The following MID2 variants were observed in gnomAD, a reference collection of about 807,000 sequenced individuals.
MID2 encodes the protein midline 2, also known as probable E3 ubiquitin-protein ligase MID2.
Under a neutral mutation model 46.1 loss-of-function variants are expected in MID2, and 13 were observed. That is an observed-to-expected ratio of 0.28 (90% CI 0.18 to 0.45). MID2 has a LOEUF of 0.45. Ranked by LOEUF, MID2 falls within the 20% of genes least tolerant of loss-of-function variation. The pLI, the probability that MID2 is intolerant of heterozygous loss-of-function variation, is 1.00. For missense variants in MID2, 431 were observed against 575.4 expected (o/e 0.75, Z 2.57); for synonymous variants, 199 against 212.3 (o/e 0.94, Z 0.55).
In MID2 at chrX:107,926,695, A is replaced by G. The variant is rs1212723012; in HGVS notation, c.1830A>G (p.Lys610=). ...STWYAIGIAY[K]SAPKNEWIGK... ...GGTATGCAATTGGCATTGCCTACAA[A>G]TCAGCTCCAAAGAATGAATGGATTG... The change falls in exon 10 of 10, where the codon AAA becomes AAG. Residue 610 remains lysine (K), a synonymous_variant. Transcript: ENST00000262843. 1.7e-6 allele frequency: 2 copies of G among 1,208,659 alleles called. No individual in the cohort carries two copies. The highest frequency in any genetic ancestry group is 2.2e-5 in the Admixed American group (1 of 45,730).
At chrX:107,859,864 A>G (rs1931819908) in intron 3 of MID2, among the ~76,000 whole-genome samples, 1 of 112,180 alleles carries the variant, frequency 8.9e-6, no homozygotes, top group African/African-American at 3.2e-5. Flanking sequence ...AGAATGTAAG[A>G]CATGAGATTG....
intron 1 of MID2, among the ~76,000 whole-genome samples, chrX:107,828,910 C>T (rs1342706851): frequency 9.0e-6 from 1 of 111,051 alleles, no homozygotes; most frequent in African/African-American, 3.3e-5. Flanking sequence ...GACGAAGTCT[C>T]GCTCTGTCAC....
In MID2 at chrX:107,929,775, G is replaced by A. The variant is rs1933249725; in HGVS notation, c.*2702G>A. On this transcript the variant is annotated 3_prime_UTR_variant, in exon 10 of 10. Coordinates refer to ENST00000262843, the MANE Select transcript of MID2 (RefSeq NM_012216.4). ...TCCTCACCTCTATCTCTCTCAACCA[G>A]ACTAACTCTTTATTCCTTAGACTTG... is the stretch of plus-strand genomic sequence containing the variant. Among the ~76,000 whole-genome samples, 1 of 110,939 alleles carries A rather than the reference G, an allele frequency of 9.0e-6. No homozygotes were observed. Among genetic ancestry groups the A allele is most frequent in the Admixed American group, 9.6e-5 (1 of 10,398 alleles).
intron 3 of MID2, among the ~76,000 whole-genome samples, chrX:107,874,166 T>A (rs1932139784): frequency 1.8e-5 from 2 of 111,984 alleles, no homozygotes; most frequent in South Asian, 7.6e-4. Context: ...CACATAGGTC[T>A]GTACTACTAG....
At chrX:107,855,525 G>A (rs1225842221) in intron 3 of MID2, among the ~76,000 whole-genome samples, 2 of 111,983 alleles carry the variant, frequency 1.8e-5, no homozygotes, top group Non-Finnish European at 1.9e-5. Flanking sequence ...GCAGTGGTTG[G>A]ATAAAAATGT....
chrX:107,917,139 C>CTA (rs756442273), intron 6 of MID2, among the ~76,000 whole-genome samples: 1,402 of 109,431 alleles, frequency 0.013, 26 homozygotes, highest in African/African-American at 0.044. Context: ...AAAAATCTGT[C>CTA]TATATATATA....
intron 3 of MID2, among the ~76,000 whole-genome samples, chrX:107,859,420 G>GA (rs997600476): frequency 9.0e-6 from 1 of 110,898 alleles, no homozygotes; most frequent in African/African-American, 3.3e-5. Context: ...TGTTGAAGGA[G>GA]AAAAAAAATT....
chrX:107,922,338 T>C (rs982286177), intron 7 of MID2, among the ~76,000 whole-genome samples: 2 of 112,341 alleles, frequency 1.8e-5, no homozygotes, highest in Admixed American at 9.4e-5. Context: ...CAGGATTTGT[T>C]TGAGGTTTTC....
At chrX:107,849,347 A>G (rs948053498) in intron 2 of MID2, among the ~76,000 whole-genome samples, 6 of 111,614 alleles carry the variant, frequency 5.4e-5, no homozygotes, top group Non-Finnish European at 1.1e-4. Flanking sequence ...AATGGAGATC[A>G]TGGTCCAGTT....
intron 2 of MID2, among the ~76,000 whole-genome samples, chrX:107,844,690 CCTCTACTCCT>C (rs1475398870): frequency 9.1e-6 from 1 of 109,346 alleles, no homozygotes; most frequent in African/African-American, 3.4e-5. Flanking sequence ...TGTATTTTCC[CCTCTACTCCT>C]CTAAAACATG....
At chrX:107,842,656 G>T (rs9699225) in intron 2 of MID2, among the ~76,000 whole-genome samples, 5,462 of 111,889 alleles carry the variant, frequency 0.049, 346 homozygotes, top group African/African-American at 0.17. Flanking sequence ...ACTATGGTTT[G>T]TGCCTCTTTT....
At chrX:107,904,764 G>A (rs1932822554) in intron 4 of MID2, among the ~76,000 whole-genome samples, 1 of 111,940 alleles carries the variant, frequency 8.9e-6, no homozygotes, top group South Asian at 3.8e-4. Flanking sequence ...GAAGAATCAT[G>A]ATCATAAGCG....
intron 3 of MID2, among the ~76,000 whole-genome samples, chrX:107,877,602 AG>A (rs1249192490): frequency 8.9e-6 from 1 of 112,111 alleles, no homozygotes; most frequent in Non-Finnish European, 1.9e-5. Flanking sequence ...TCATAAAACA[AG>A]GAGGGCCTAG....
chrX:107,854,624 A>T lies in MID2; in HGVS notation c.736A>T (p.Asn246Tyr). The T allele has an allele frequency of 1.7e-6, 2 of 1,209,712 alleles. No homozygotes were observed. Among genetic ancestry groups the T allele is most frequent in the Non-Finnish European group, 2.2e-6 (2 of 893,712 alleles). ...GCGATGACAGCAAACTCTGGAGATG[A>T]ACCTCACCAACCTGGTTAAGCGCAA... is the stretch of plus-strand genomic sequence containing the variant. Reference protein sequence around the residue: ...FEKLKQTLEMNLTNLVKRNSE... With the variant: ...FEKLKQTLEMYLTNLVKRNSE... The change falls in exon 3 of 10, where the codon AAC becomes TAC. Residue 246 changes from asparagine to tyrosine, a missense_variant. Asn to Tyr is a moderately radical substitution (Grantham distance 143). Coordinates refer to ENST00000262843, the MANE Select transcript of MID2 (RefSeq NM_012216.4).
chrX:107,848,788 A>G (rs1364074629), intron 2 of MID2, among the ~76,000 whole-genome samples: 2 of 112,074 alleles, frequency 1.8e-5, no homozygotes, highest in African/African-American at 6.5e-5. Flanking sequence ...ATTGATACAT[A>G]AAGTGACAGA....
chrX:107,882,018 A>G (rs1233605212), intron 3 of MID2, among the ~76,000 whole-genome samples: 2 of 112,123 alleles, frequency 1.8e-5, no homozygotes, highest in Non-Finnish European at 3.8e-5. Flanking sequence ...ATACAGACCA[A>G]TGGAACAGAA....
intron 3 of MID2, among the ~76,000 whole-genome samples, chrX:107,887,451 G>T (rs1459036795): frequency 8.9e-6 from 1 of 111,935 alleles, no homozygotes; most frequent in Non-Finnish European, 1.9e-5. Flanking sequence ...TGTTGAACCA[G>T]CCTTGCATCC....
intron 3 of MID2, among the ~76,000 whole-genome samples, chrX:107,872,453 A>G (rs1932093424): frequency 8.9e-6 from 1 of 112,572 alleles, no homozygotes; most frequent in African/African-American, 3.2e-5. Flanking sequence ...GAGGATATCC[A>G]TGGAAGGTTA....
At chrX:107,833,851 T>C (rs1931145546) in intron 1 of MID2, among the ~76,000 whole-genome samples, 1 of 111,595 alleles carries the variant, frequency 9.0e-6, no homozygotes. Context: ...TGGAATACAG[T>C]GGCACAATTA....
Sources: gnomAD v4.1 joint callset for allele counts (sites outside exome capture counted in the v4.1 genomes callset) on GRCh38, gnomAD v4.1.1 for gene constraint, MANE v1.5 for transcripts, NCBI Gene and HGNC (gene_info 2026-07-23, HGNC 2026-07-21) for gene names.